Variants in NKAIN2 observed in about 807,000 individuals in gnomAD.
NKAIN2 encodes sodium/potassium transporting ATPase interacting 2.
In NKAIN2, 14 loss-of-function variants were observed where a neutral mutation model predicts 32.6. The ratio of observed to expected loss-of-function variants is 0.43; its 90% CI spans 0.28 to 0.67. The LOEUF (loss-of-function observed/expected upper bound fraction) is 0.67. NKAIN2 is among the 30% of genes least tolerant of loss of function. The pLI is 0.17. For missense variants in NKAIN2, 198 were observed against 258.3 expected (o/e 0.77, Z 1.60); for synonymous variants, 80 against 87.2 (o/e 0.92, Z 0.46).
At chr6:124,130,995 A>G (rs757165799) in intron 1 of NKAIN2, among the ~76,000 whole-genome samples, 5 of 152,198 alleles carry the variant, frequency 3.3e-5, no homozygotes, top group African/African-American at 4.8e-5. Flanking sequence ...TTGAGGTCCT[A>G]TTAAATTTTG....
At chr6:124,347,904 A>C (rs1798514169) in intron 2 of NKAIN2, among the ~76,000 whole-genome samples, 1 of 152,042 alleles carries the variant, frequency 6.6e-6, no homozygotes, top group Admixed American at 6.6e-5. Context: ...GGAGGAGGAG[A>C]GGCGCTCTGC....
At position 124,147,611 on chromosome 6, in the gene NKAIN2, A is replaced by C. The variant is rs542844591; in HGVS notation, c.55-135394A>C. The stretch of plus-strand genomic sequence containing the variant: ...TTTAATTAGGTAATGTCTTCAACAA[A>C]AAAAAAGCCCACGAAAAAACAAAAA... On this transcript the variant is annotated intron_variant, in intron 1 of 6. Transcript: ENST00000368417. Among the ~76,000 whole-genome samples the C allele has an allele frequency of 3.3e-5, 5 of 152,268 alleles. No homozygotes were observed. In the East Asian group the frequency reaches 7.7e-4, roughly 24 times the overall value.
At chr6:124,283,902 G>A (rs1190125944) in intron 2 of NKAIN2, among the ~76,000 whole-genome samples, 1 of 152,114 alleles carries the variant, frequency 6.6e-6, no homozygotes, top group African/African-American at 2.4e-5. Context: ...TGTAAAGCAG[G>A]TTTGTAGTAA....
chr6:124,036,220 T>G (rs2114798256), intron 1 of NKAIN2, among the ~76,000 whole-genome samples: 1 of 152,266 alleles, frequency 6.6e-6, no homozygotes, highest in Non-Finnish European at 1.5e-5. Context: ...AGAGTATGGT[T>G]GTCGAGGACA....
At chr6:124,345,751 G>T (rs1243061927) in intron 2 of NKAIN2, among the ~76,000 whole-genome samples, 1 of 151,630 alleles carries the variant, frequency 6.6e-6, no homozygotes, top group Non-Finnish European at 1.5e-5. Context: ...CTTGCTAGCG[G>T]TCTATCAATT....
chr6:124,664,925 T>A (rs1000041687), intron 4 of NKAIN2, among the ~76,000 whole-genome samples: 13 of 151,466 alleles, frequency 8.6e-5, no homozygotes, highest in Non-Finnish European at 1.6e-4. Context: ...TGTATACGTG[T>A]ATCTTTAAAT....
At chr6:124,158,509 T>G (rs1312033604) in intron 1 of NKAIN2, among the ~76,000 whole-genome samples, 1 of 152,190 alleles carries the variant, frequency 6.6e-6, no homozygotes, top group Non-Finnish European at 1.5e-5. Flanking sequence ...GACTGATCAG[T>G]GCCAGAATGC....
intron 1 of NKAIN2, among the ~76,000 whole-genome samples, chr6:124,078,728 G>A (rs575187339): frequency 6.7e-6 from 1 of 150,106 alleles, no homozygotes; most frequent in South Asian, 2.1e-4. Context: ...TTGAAAATAG[G>A]GTTTTTATGT....
At chr6:123,930,144 G>T (rs1776186873) in intron 1 of NKAIN2, among the ~76,000 whole-genome samples, 1 of 152,092 alleles carries the variant, frequency 6.6e-6, no homozygotes, top group South Asian at 2.1e-4. Context: ...ATGACAGTCA[G>T]CACTTAAATC....
chr6:124,569,407 A>G (rs1781040681), intron 3 of NKAIN2, among the ~76,000 whole-genome samples: 1 of 151,898 alleles, frequency 6.6e-6, no homozygotes, highest in Non-Finnish European at 1.5e-5. Context: ...TTCTACTTGC[A>G]TCTTCTGTAC....
At chr6:124,626,024 T>C (rs1783319816) in intron 3 of NKAIN2, among the ~76,000 whole-genome samples, 1 of 151,632 alleles carries the variant, frequency 6.6e-6, no homozygotes, top group African/African-American at 2.4e-5. Flanking sequence ...ACATGTGCCA[T>C]GTTGGTGTGC....
intron 3 of NKAIN2, among the ~76,000 whole-genome samples, chr6:124,656,394 G>T (rs148371805): frequency 6.6e-6 from 1 of 151,040 alleles, no homozygotes; most frequent in Non-Finnish European, 1.5e-5. Flanking sequence ...GTTTCACTTC[G>T]ATCTTTACTA....
At chr6:124,443,202 A>G (rs1015340151) in intron 3 of NKAIN2, among the ~76,000 whole-genome samples, 2 of 151,958 alleles carry the variant, frequency 1.3e-5, no homozygotes, top group African/African-American at 4.8e-5. Context: ...TTTTTCTCCT[A>G]TCCTCCCACA....
intron 3 of NKAIN2, among the ~76,000 whole-genome samples, chr6:124,407,586 A>T (rs539021163): frequency 6.6e-6 from 1 of 152,130 alleles, no homozygotes; most frequent in East Asian, 1.9e-4. Flanking sequence ...TTCTTAATCC[A>T]GTCTATCATT....
rs1163347224 is a variant in NKAIN2, at chr6:124,403,889, CTT to C, written c.273+48544_273+48545del. The stretch of plus-strand genomic sequence containing the variant: ...AATTTCAATTTAGTTCAAATCTGTT[CTT>C]TCTTTTATAGTTTCCATTTCTTTAG... On this transcript the variant is annotated intron_variant, in intron 3 of 6. Coordinates refer to ENST00000368417, the MANE Select transcript of NKAIN2 (RefSeq NM_001040214.3). Among the ~76,000 whole-genome samples, 3 of 152,098 alleles carry C rather than the reference CTT, an allele frequency of 2.0e-5. No individual in the cohort carries two copies. In the East Asian group the frequency reaches 5.8e-4, roughly 29 times the overall value.
At chr6:124,710,616 G>C (rs1775392831) in intron 4 of NKAIN2, among the ~76,000 whole-genome samples, 2 of 151,454 alleles carry the variant, frequency 1.3e-5, no homozygotes, top group African/African-American at 4.9e-5. Context: ...ATCTTTGTTG[G>C]TTTAAAGTCT....
chr6:124,236,268 A>T (rs1175781604), intron 1 of NKAIN2, among the ~76,000 whole-genome samples: 1 of 152,152 alleles, frequency 6.6e-6, no homozygotes, highest in Non-Finnish European at 1.5e-5. Context: ...AAAGAATTAA[A>T]ATATAGATTG....
intron 1 of NKAIN2, among the ~76,000 whole-genome samples, chr6:123,984,216 A>G (rs1374324647): frequency 6.6e-6 from 1 of 151,970 alleles, no homozygotes; most frequent in Non-Finnish European, 1.5e-5. Flanking sequence ...CAGACTCTCC[A>G]TTCTTTAAAG....
chr6:124,198,554 C>T (rs1323255499), intron 1 of NKAIN2, among the ~76,000 whole-genome samples: 1 of 151,766 alleles, frequency 6.6e-6, no homozygotes, highest in Non-Finnish European at 1.5e-5. Context: ...AAGAGTTTCC[C>T]ACCCTTCTTA....
Sources: allele counts gnomAD v4.1 joint callset (sites outside exome capture counted in the v4.1 genomes callset), GRCh38; gene constraint gnomAD v4.1.1; transcripts MANE v1.5; gene names NCBI Gene and HGNC (gene_info 2026-07-23, HGNC 2026-07-21).